The following ANKS1B variants were observed in gnomAD, a reference collection of about 807,000 sequenced individuals.
ANKS1B encodes ankyrin repeat and sterile alpha motif domain-containing protein 1B.
Under a neutral mutation model 148.3 loss-of-function variants are expected in ANKS1B, and 36 were observed. The ratio of observed to expected loss-of-function variants is 0.24; its 90% confidence interval spans 0.19 to 0.32. The LOEUF (loss-of-function observed/expected upper bound fraction) is 0.32, where lower values mean the gene tolerates loss of function less well. Among genes scored for constraint, ANKS1B ranks in the 10% least tolerant of loss-of-function variants. The pLI, the probability that ANKS1B is intolerant of heterozygous loss-of-function variation, is 1.00. For synonymous variants in ANKS1B, 542 were observed against 560.8 expected, an observed-to-expected ratio of 0.97 and a Z score of 0.47; for missense variants, 1,157 against 1,542.6, an observed-to-expected ratio of 0.75 and a Z score of 4.19.
At position 98,770,210 on chromosome 12, in the gene ANKS1B, A is replaced by C. The variant is rs114041377; in HGVS notation, c.3579+2832T>G. 5.8e-3 allele frequency among the ~76,000 whole-genome samples: 885 copies of C among 152,284 alleles called. 4 individuals are homozygous for C. Among genetic ancestry groups the C allele is most frequent in the African/African-American group, 0.02 (851 of 41,554 alleles). On this transcript the variant is annotated intron_variant, in intron 25 of 26. Transcript: ENST00000683438. ...CTGTTCTCTAGCTATGAAAATTAGG[A>C]CTGGGAAAAGTCCAGCAACTTCTCT... is the stretch of plus-strand genomic sequence containing the variant.
At chr12:99,926,340 T>C (rs2094476800) in intron 1 of ANKS1B, among the ~76,000 whole-genome samples, 1 of 152,214 alleles carries the variant, frequency 6.6e-6, no homozygotes, top group Non-Finnish European at 1.5e-5. Flanking sequence ...GGTGAAGGTG[T>C]TTAAATCGGT....
chr12:99,114,135 T>G (rs1026392347), intron 15 of ANKS1B, among the ~76,000 whole-genome samples: 6 of 152,190 alleles, frequency 3.9e-5, no homozygotes, highest in African/African-American at 1.2e-4. Flanking sequence ...TCATTTTCAT[T>G]TCACCAATTA....
intron 17 of ANKS1B, among the ~76,000 whole-genome samples, chr12:98,878,047 T>C (rs1419689309): frequency 3.3e-5 from 5 of 152,106 alleles, no homozygotes; most frequent in Non-Finnish European, 5.9e-5. Context: ...ATATACAGTA[T>C]ACTCTAAAGG....
chr12:99,588,799 T>C (rs1311728911), intron 9 of ANKS1B, among the ~76,000 whole-genome samples: 1 of 152,192 alleles, frequency 6.6e-6, no homozygotes, highest in East Asian at 1.9e-4. Flanking sequence ...TCCACTTTCA[T>C]CTTATCTTAA....
intron 15 of ANKS1B, among the ~76,000 whole-genome samples, chr12:99,150,338 C>T (rs1399179078): frequency 6.6e-6 from 1 of 152,138 alleles, no homozygotes; most frequent in Non-Finnish European, 1.5e-5. Context: ...CAAGTGAAAA[C>T]TTAACTCCTA....
intron 8 of ANKS1B, among the ~76,000 whole-genome samples, chr12:99,657,660 T>TATATA (rs1567580764): frequency 3.6e-5 from 2 of 56,006 alleles, no homozygotes; most frequent in Non-Finnish European, 3.5e-5. Flanking sequence ...TATATATATA[T>TATATA]GATAAAGTTG....
At chr12:99,857,005 T>A (rs1462090668) in intron 1 of ANKS1B, among the ~76,000 whole-genome samples, 1 of 152,152 alleles carries the variant, frequency 6.6e-6, no homozygotes, top group Non-Finnish European at 1.5e-5. Flanking sequence ...AACACTTCTA[T>A]TCAACATAGT....
chr12:99,520,116 A>G (rs2096860705), intron 9 of ANKS1B, among the ~76,000 whole-genome samples: 1 of 152,210 alleles, frequency 6.6e-6, no homozygotes, highest in Non-Finnish European at 1.5e-5. Flanking sequence ...CCACAATTAC[A>G]GTGCTATAAT....
chr12:99,979,473 T>C (rs1331234255), intron 1 of ANKS1B, among the ~76,000 whole-genome samples: 1 of 152,122 alleles, frequency 6.6e-6, no homozygotes, highest in Non-Finnish European at 1.5e-5. Flanking sequence ...TTTTCCCTAT[T>C]GAGAACCATT....
intron 12 of ANKS1B, among the ~76,000 whole-genome samples, chr12:99,250,575 A>T (rs182272771): frequency 3.5e-4 from 53 of 152,254 alleles, no homozygotes; most frequent in Non-Finnish European, 5.9e-4. Flanking sequence ...TGCCAATACC[A>T]CCGATGCATC....
intron 15 of ANKS1B, among the ~76,000 whole-genome samples, chr12:99,107,500 A>G (rs1161302456): frequency 6.6e-6 from 1 of 152,246 alleles, no homozygotes; most frequent in African/African-American, 2.4e-5. Context: ...CATTTCTATA[A>G]AAAGAAAATC....
At chr12:98,812,182 G>C (rs140699154) in intron 19 of ANKS1B, among the ~76,000 whole-genome samples, 25 of 152,252 alleles carry the variant, frequency 1.6e-4, no homozygotes, top group Non-Finnish European at 2.9e-4. Context: ...TATGCTACAG[G>C]GGTCTCACAA....
intron 1 of ANKS1B, among the ~76,000 whole-genome samples, chr12:99,958,689 T>C (rs1439615633): frequency 1.3e-5 from 2 of 152,048 alleles, no homozygotes; most frequent in Non-Finnish European, 2.9e-5. Context: ...CCAGCCTCTA[T>C]TGATATATTT....
chr12:99,647,307 C>T (rs2098379896), intron 9 of ANKS1B, among the ~76,000 whole-genome samples: 1 of 152,112 alleles, frequency 6.6e-6, no homozygotes, highest in South Asian at 2.1e-4. Flanking sequence ...ACAGAAGCTC[C>T]ATAATTTATT....
chr12:99,906,815 T>C (rs903094351), intron 1 of ANKS1B, among the ~76,000 whole-genome samples: 3 of 152,138 alleles, frequency 2.0e-5, no homozygotes, highest in Non-Finnish European at 4.4e-5. Flanking sequence ...CAAATATTTA[T>C]TGTAGTGCCG....
intron 17 of ANKS1B, among the ~76,000 whole-genome samples, chr12:98,962,568 G>T (rs938252452): frequency 1.3e-5 from 2 of 152,036 alleles, no homozygotes; most frequent in African/African-American, 2.4e-5. Flanking sequence ...AGAAATATCA[G>T]ATGTAATCTG....
intron 8 of ANKS1B, among the ~76,000 whole-genome samples, chr12:99,735,398 A>G (rs181886913): frequency 1.1e-4 from 16 of 152,310 alleles, no homozygotes; most frequent in Admixed American, 1.0e-3. Context: ...GAGAAGTCCA[A>G]ATAAATAAAA....
At chr12:99,888,882 A>G (rs916907943) in intron 1 of ANKS1B, among the ~76,000 whole-genome samples, 3 of 151,986 alleles carry the variant, frequency 2.0e-5, no homozygotes, top group Non-Finnish European at 1.5e-5. Context: ...CAATAAAACA[A>G]TATCTCAGTG....
intron 17 of ANKS1B, among the ~76,000 whole-genome samples, chr12:98,925,862 G>T (rs1421776330): frequency 6.6e-6 from 1 of 152,142 alleles, no homozygotes; most frequent in Non-Finnish European, 1.5e-5. Flanking sequence ...AGCTCATTTG[G>T]TGGGAATAGC....
Sources: gnomAD v4.1 joint callset for allele counts (sites outside exome capture counted in the v4.1 genomes callset) on GRCh38, gnomAD v4.1.1 for gene constraint, MANE v1.5 for transcripts, NCBI Gene and HGNC (gene_info 2026-07-23, HGNC 2026-07-21) for gene names.